The following TCP11L1 variants were observed in gnomAD, a reference collection of about 807,000 sequenced individuals.
TCP11L1 encodes the protein t-complex 11 like 1.
In TCP11L1, 28 loss-of-function variants were observed where a neutral mutation model predicts 48.9. The ratio of observed to expected loss-of-function variants is 0.57; its 90% CI spans 0.42 to 0.78. The LOEUF (loss-of-function observed/expected upper bound fraction) is 0.78, where lower values mean the gene tolerates loss of function less well. Ranked by LOEUF, TCP11L1 falls within the 30% of genes least tolerant of loss-of-function variation. TCP11L1 has a pLI of 0.00. For missense variants in TCP11L1, 505 were observed against 613.4 expected, an observed-to-expected ratio of 0.82 and a Z score of 1.87; for synonymous variants, 204 against 231.9, an observed-to-expected ratio of 0.88 and a Z score of 1.09.
At chr11:33,044,809 A>C (rs918173973) in intron 2 of TCP11L1, among the ~76,000 whole-genome samples, 1 of 152,236 alleles carries the variant, frequency 6.6e-6, no homozygotes, top group African/African-American at 2.4e-5. Context: ...AATTGTGTCC[A>C]AGGAAACATG....
intron 7 of TCP11L1, among the ~76,000 whole-genome samples, chr11:33,063,266 T>C (rs980557073): frequency 2.2e-4 from 33 of 152,358 alleles, no homozygotes; most frequent in African/African-American, 7.9e-4. Context: ...TATTATAAAT[T>C]ATGCTTCTGT....
At chr11:33,047,366 A>G (rs1008296855) in intron 2 of TCP11L1, among the ~76,000 whole-genome samples, 1 of 152,272 alleles carries the variant, frequency 6.6e-6, no homozygotes, top group African/African-American at 2.4e-5. Context: ...AGTAAGGATC[A>G]GTCAACTGTA....
intron 7 of TCP11L1, among the ~76,000 whole-genome samples, chr11:33,064,733 AGT>A (rs1854564427): frequency 6.6e-6 from 1 of 152,188 alleles, no homozygotes; most frequent in Non-Finnish European, 1.5e-5. Context: ...AAGATGAATA[AGT>A]GTAGGCTCTG....
intron 1 of TCP11L1, 48 bp from the exon 2 acceptor site, chr11:33,043,702 A>G: frequency 6.7e-7 from 1 of 1,491,538 alleles, no homozygotes; most frequent in Non-Finnish European, 9.0e-7. Context: ...AGTTGGTGAC[A>G]GAGCTAGAAT....
chr11:33,040,819 A>T (rs898747507), intron 1 of TCP11L1: 2 of 151,020 alleles, frequency 1.3e-5, no homozygotes, highest in African/African-American at 4.9e-5. Context: ...GTGAAATCCT[A>T]CTCCTTTTAA....
intron 1 of TCP11L1, among the ~76,000 whole-genome samples, chr11:33,041,648 G>A (rs1282226475): frequency 6.6e-6 from 1 of 152,128 alleles, no homozygotes; most frequent in East Asian, 1.9e-4. Context: ...CTACTGGGGA[G>A]GCTGAGGCAG....
intron 2 of TCP11L1, among the ~76,000 whole-genome samples, chr11:33,052,215 G>A (rs1237765986): frequency 6.6e-6 from 1 of 151,992 alleles, no homozygotes; most frequent in Non-Finnish European, 1.5e-5. Flanking sequence ...TAACAAACCT[G>A]CACATGTACA....
At chr11:33,046,854 C>T (rs1021900119) in intron 2 of TCP11L1, among the ~76,000 whole-genome samples, 2 of 152,164 alleles carry the variant, frequency 1.3e-5, no homozygotes, top group Non-Finnish European at 2.9e-5. Flanking sequence ...ATTTGGAATT[C>T]TACAAATTAA....
chr11:33,058,940 A>G lies in TCP11L1; in HGVS notation c.639-19A>G. 1 of 1,610,894 alleles carries G rather than the reference A, an allele frequency of 6.2e-7. No individual in the cohort carries two copies. Among genetic ancestry groups the G allele is most frequent in the Non-Finnish European group, 8.5e-7 (1 of 1,178,878 alleles). On this transcript the variant is annotated intron_variant, in intron 5 of 9. Transcript: ENST00000334274. ...GTTTACTTTACAAATGCTTGCTTCT[A>G]AATCCTTTTTTCTTTCAGAGAAATT...
intron 1 of TCP11L1, chr11:33,040,444 C>T (rs532324511): frequency 3.4e-4 from 52 of 152,270 alleles, no homozygotes; most frequent in African/African-American, 1.3e-3. Context: ...AGTAAAGAGC[C>T]AGAATTGGGG....
chr11:33,052,835 A>T (rs1355561915), intron 2 of TCP11L1, among the ~76,000 whole-genome samples: 2 of 152,156 alleles, frequency 1.3e-5, no homozygotes, highest in African/African-American at 4.8e-5. Context: ...CTTTAAAAAA[A>T]TAGAAAAAAT....
At chr11:33,050,027 G>A (rs1290895187) in intron 2 of TCP11L1, among the ~76,000 whole-genome samples, 1 of 152,156 alleles carries the variant, frequency 6.6e-6, no homozygotes, top group African/African-American at 2.4e-5. Context: ...TGAGGTTAGA[G>A]AATGGTGATG....
At chr11:33,044,030 G>T (rs113526795) in intron 2 of TCP11L1, 94 bp downstream of exon 2, 1 of 1,281,094 alleles carries the variant, frequency 7.8e-7, no homozygotes, top group East Asian at 2.5e-5. Flanking sequence ...CGTGAGCTAG[G>T]TTCTAATAAT....
Position 33,065,959 on chromosome 11 carries a change from G to T in TCP11L1, c.1102G>T (p.Ala368Ser). 2 of 1,614,178 alleles carry T rather than the reference G, an allele frequency of 1.2e-6. No individual in the cohort carries two copies. Among genetic ancestry groups the T allele is most frequent in the Non-Finnish European group, 1.7e-6 (2 of 1,180,016 alleles). Residue 368 changes from alanine to serine, a missense_variant, in exon 8 of 10, where the codon GCT becomes TCT. Coordinates refer to ENST00000334274, the MANE Select transcript of TCP11L1 (RefSeq NM_018393.4). ...AGGAATTTCCAGCCAGGCCGACTTTGCTGAGAAACTCAAGATGATTGTGAA... is the reference window on the plus strand; with the variant it reads ...AGGAATTTCCAGCCAGGCCGACTTTTCTGAGAAACTCAAGATGATTGTGAA... Reference protein sequence around the residue: ...APGISSQADFAEKLKMIVKIL... With the variant: ...APGISSQADFSEKLKMIVKIL...
intron 7 of TCP11L1, 121 bp from the exon 8 acceptor site, chr11:33,065,706 TCTG>T: frequency 9.2e-7 from 1 of 1,086,852 alleles, no homozygotes; most frequent in East Asian, 2.4e-5. Flanking sequence ...CCCTCAAAGC[TCTG>T]ACACACTAGC....
intron 7 of TCP11L1, among the ~76,000 whole-genome samples, chr11:33,064,734 G>A (rs12221854): frequency 0.42 from 63,849 of 151,958 alleles, 13,689 homozygotes; most frequent in African/African-American, 0.51. Context: ...AGATGAATAA[G>A]TGTAGGCTCT....
At chr11:33,052,495 C>T (rs1281311325) in intron 2 of TCP11L1, among the ~76,000 whole-genome samples, 88 of 148,678 alleles carry the variant, frequency 5.9e-4, no homozygotes, top group African/African-American at 2.2e-3. Flanking sequence ...TTTTTTGGTG[C>T]GCAAAAGAAA....
chr11:33,068,693 C>T lies in TCP11L1; in HGVS notation c.1161C>T (p.Phe387=), dbSNP rs1854689759. ...CTCCCCTCCTCTGCCCCAGCTCCTT[C>T]CATCTGAAGGACGTCCTCACTACCA... is the stretch of plus-strand genomic sequence containing the variant. ...ILLTDMHLPS[F]HLKDVLTTIG... Residue 387 remains phenylalanine, a synonymous_variant, in exon 9 of 10, where the codon TTC becomes TTT. Transcript: ENST00000334274. 1.2e-6 allele frequency: 2 copies of T among 1,613,932 alleles called. No individual in the cohort carries two copies. Among genetic ancestry groups the T allele is most frequent in the Middle Eastern group, 1.7e-4 (1 of 6,056 alleles).
intron 7 of TCP11L1, among the ~76,000 whole-genome samples, chr11:33,065,528 G>A (rs1390061493): frequency 1.3e-5 from 2 of 152,212 alleles, no homozygotes; most frequent in African/African-American, 2.4e-5. Context: ...CTCCCAAAGC[G>A]CTGGGATTAC....
Sources: allele counts gnomAD v4.1 joint callset (sites outside exome capture counted in the v4.1 genomes callset), GRCh38; gene constraint gnomAD v4.1.1; transcripts MANE v1.5; gene names NCBI Gene and HGNC (gene_info 2026-07-23, HGNC 2026-07-21).